The following AK5 variants were observed in gnomAD, a reference collection of about 807,000 sequenced individuals.
AK5 encodes adenylate kinase isoenzyme 5.
In AK5, 27 loss-of-function variants were observed where a neutral mutation model predicts 69.5. That is an observed-to-expected ratio of 0.39 (90% confidence interval 0.29 to 0.54). The LOEUF (loss-of-function observed/expected upper bound fraction) is 0.54, where lower values mean the gene tolerates loss of function less well. Among genes scored for constraint, AK5 ranks in the 20% least tolerant of loss-of-function variants. The pLI is 0.71. For missense variants in AK5, 531 were observed against 700.4 expected (o/e 0.76, Z 2.73); for synonymous variants, 260 against 244.4 (o/e 1.06, Z -0.60).
At chr1:77,380,143 C>G (rs1210350743) in intron 6 of AK5, among the ~76,000 whole-genome samples, 1 of 152,170 alleles carries the variant, frequency 6.6e-6, no homozygotes, top group Admixed American at 6.5e-5. Context: ...TTGGCATCCT[C>G]CTCGGCAAGG....
intron 6 of AK5, among the ~76,000 whole-genome samples, chr1:77,368,289 A>ATATGT (rs1647052629): frequency 1.7e-5 from 2 of 120,186 alleles, no homozygotes; most frequent in Non-Finnish European, 3.3e-5. Flanking sequence ...TATGTTATAT[A>ATATGT]TATGTTATAT....
intron 8 of AK5, among the ~76,000 whole-genome samples, chr1:77,461,570 G>T (rs570843737): frequency 6.6e-6 from 1 of 151,756 alleles, no homozygotes; most frequent in African/African-American, 2.4e-5. Context: ...AAGAGATCAA[G>T]ACCACCCTGG....
At chr1:77,526,157 G>GA (rs1279050521) in intron 12 of AK5, among the ~76,000 whole-genome samples, 4 of 152,104 alleles carry the variant, frequency 2.6e-5, no homozygotes, top group African/African-American at 9.7e-5. Flanking sequence ...AGTAACTGAG[G>GA]AACAGGAGTA....
At chr1:77,452,594 C>T (rs1200806955) in intron 8 of AK5, among the ~76,000 whole-genome samples, 1 of 152,178 alleles carries the variant, frequency 6.6e-6, no homozygotes, top group Non-Finnish European at 1.5e-5. Flanking sequence ...AAATGCCAGT[C>T]ACCTATGCGG....
At chr1:77,309,800 C>T (rs1008374802) in intron 5 of AK5, among the ~76,000 whole-genome samples, 3 of 152,070 alleles carry the variant, frequency 2.0e-5, no homozygotes, top group African/African-American at 7.3e-5. Flanking sequence ...TGCCCCCACT[C>T]TTTTCTTGTT....
chr1:77,362,513 C>T (rs1350382283), intron 6 of AK5, among the ~76,000 whole-genome samples: 1 of 152,126 alleles, frequency 6.6e-6, no homozygotes, highest in Non-Finnish European at 1.5e-5. Flanking sequence ...ATAGCCTATA[C>T]TTCCTTATTG....
chr1:77,378,962 T>A (rs1324965506), intron 6 of AK5, among the ~76,000 whole-genome samples: 1 of 152,152 alleles, frequency 6.6e-6, no homozygotes, highest in Non-Finnish European at 1.5e-5. Flanking sequence ...TTCATAGTCT[T>A]GGAGGTCTGG....
At chr1:77,357,718 A>G (rs1662608095) in intron 6 of AK5, among the ~76,000 whole-genome samples, 1 of 152,198 alleles carries the variant, frequency 6.6e-6, no homozygotes, top group South Asian at 2.1e-4. Context: ...TTTCAAAATG[A>G]CTAAATCAGA....
chr1:77,469,185 T>C (rs1342435878), intron 8 of AK5, among the ~76,000 whole-genome samples: 7 of 152,248 alleles, frequency 4.6e-5, no homozygotes, highest in Non-Finnish European at 8.8e-5. Flanking sequence ...CTGGGCTCTA[T>C]TGATCTCAGC....
chr1:77,438,080 A>T (rs1652064522), intron 8 of AK5, among the ~76,000 whole-genome samples: 1 of 152,098 alleles, frequency 6.6e-6, no homozygotes, highest in Non-Finnish European at 1.5e-5. Context: ...CTGTCATGGA[A>T]CTACTGTAAT....
chr1:77,548,606 A>G (rs896317830), intron 13 of AK5, among the ~76,000 whole-genome samples: 1 of 152,244 alleles, frequency 6.6e-6, no homozygotes, highest in African/African-American at 2.4e-5. Flanking sequence ...CATGAAAAAT[A>G]AAATGAAACT....
At chr1:77,472,453 AT>A (rs1456914601) in intron 8 of AK5, among the ~76,000 whole-genome samples, 2 of 152,062 alleles carry the variant, frequency 1.3e-5, no homozygotes, top group African/African-American at 4.8e-5. Context: ...CCCCCAGAAG[AT>A]TGCTTTTTCA....
chr1:77,514,159 A>G (rs1557647028), intron 10 of AK5, among the ~76,000 whole-genome samples: 1 of 152,122 alleles, frequency 6.6e-6, no homozygotes, highest in Non-Finnish European at 1.5e-5. Context: ...TGAGGTATTC[A>G]CAGACAACTT....
intron 8 of AK5, among the ~76,000 whole-genome samples, chr1:77,472,341 G>A (rs1654563524): frequency 6.6e-6 from 1 of 152,078 alleles, no homozygotes; most frequent in Admixed American, 6.6e-5. Context: ...TCCAAACGTG[G>A]CATCTCACAC....
chr1:77,282,053 G>T lies in AK5; in HGVS notation c.-261G>T, dbSNP rs2272161. The T allele has an allele frequency of 0.13, 46,545 of 349,396 alleles. 4,161 individuals are homozygous for T. The highest frequency in any genetic ancestry group is 0.38 in the East Asian group (8,691 of 22,584). The allele number at this position is 349,396 out of a possible 1,614,324, so 21.6% of individuals were successfully genotyped here. A position where few individuals can be genotyped will look rare whatever the true frequency, so the allele number is the denominator to read the frequency against. Reference sequence around the variant, plus strand: ...GCTGCCTGGCAGCCCGGGAAGCCGCGGCACAGCTGCTCGGCGCCTGCAGCT... The same window carrying T: ...GCTGCCTGGCAGCCCGGGAAGCCGCTGCACAGCTGCTCGGCGCCTGCAGCT... On this transcript the variant is annotated 5_prime_UTR_variant, in exon 1 of 14. Transcript: ENST00000354567.
chr1:77,548,267 T>G (rs1446273580), intron 13 of AK5, among the ~76,000 whole-genome samples: 2 of 152,208 alleles, frequency 1.3e-5, no homozygotes, highest in African/African-American at 4.8e-5. Context: ...GTCCTCCTTC[T>G]TTCTATGGCT....
chr1:77,327,713 C>T (rs929903222), intron 5 of AK5, among the ~76,000 whole-genome samples: 9 of 152,136 alleles, frequency 5.9e-5, no homozygotes, highest in African/African-American at 1.9e-4. Context: ...CCTCCAATTT[C>T]AGAAAGTTAT....
At chr1:77,362,606 C>A (rs2100441981) in intron 6 of AK5, among the ~76,000 whole-genome samples, 1 of 152,226 alleles carries the variant, frequency 6.6e-6, no homozygotes, top group South Asian at 2.1e-4. Flanking sequence ...TTTTTAAAAG[C>A]ACCCCAACAG....
chr1:77,380,803 AG>A (rs1647576728), intron 6 of AK5, among the ~76,000 whole-genome samples: 1 of 152,128 alleles, frequency 6.6e-6, no homozygotes, highest in Non-Finnish European at 1.5e-5. Context: ...GATGGCCCTG[AG>A]CTGAGTCATG....
Sources: allele counts gnomAD v4.1 joint callset (sites outside exome capture counted in the v4.1 genomes callset), GRCh38; gene constraint gnomAD v4.1.1; transcripts MANE v1.5; gene names NCBI Gene and HGNC (gene_info 2026-07-23, HGNC 2026-07-21).